Variants in PCCB observed in about 807,000 individuals in gnomAD.
PCCB encodes the protein propionyl-CoA carboxylase beta chain, mitochondrial.
PCCB carries 43 observed loss-of-function variants against 60.7 expected under a neutral mutation model. The ratio of observed to expected loss-of-function variants is 0.71; its 90% CI spans 0.55 to 0.91. The LOEUF (loss-of-function observed/expected upper bound fraction) is 0.91. PCCB is among the 40% of genes least tolerant of loss of function. The probability of loss-of-function intolerance (pLI) is 0.00; values close to 1 mark genes in which losing one functional copy is unlikely to be tolerated. For synonymous variants in PCCB, 276 were observed against 255.9 expected, an observed-to-expected ratio of 1.08 and a Z score of -0.75; for missense variants, 766 against 702.8, an observed-to-expected ratio of 1.09 and a Z score of -1.02.
intron 3 of PCCB, 62 bp downstream of exon 3, chr3:136,256,685 T>G (rs1576402902): frequency 1.7e-6 from 2 of 1,147,606 alleles, no homozygotes; most frequent in East Asian, 2.3e-5. Flanking sequence ...GGAAAATATG[T>G]GAAAGAAGCC....
At chr3:136,325,313 T>G (rs1250249170) in intron 10 of PCCB, among the ~76,000 whole-genome samples, 1 of 152,070 alleles carries the variant, frequency 6.6e-6, no homozygotes, top group African/African-American at 2.4e-5. Flanking sequence ...GTCTTTTTAT[T>G]GTTGATTTCT....
In PCCB at chr3:136,305,392, C is replaced by G. The variant is rs1484910787; in HGVS notation, c.966+4281C>G. 2.5e-5 allele frequency among the ~76,000 whole-genome samples: 3 copies of G among 121,730 alleles called. 1 individual carries two copies. The highest frequency in any genetic ancestry group is 7.5e-5 in the African/African-American group (3 of 39,978). The allele number at this position is 121,730 out of a possible 152,430, so 79.9% of individuals were successfully genotyped here. A position where few individuals can be genotyped will look rare whatever the true frequency, so the allele number is the denominator to read the frequency against. ...GAGGTGTAAGCCACTGCACCTAGAC[C>G]ATATATTTACTTTTAACTCAAAAAG... is the stretch of plus-strand genomic sequence containing the variant. On this transcript the variant is annotated intron_variant, in intron 9 of 14. Coordinates refer to ENST00000251654, the MANE Select transcript of PCCB (RefSeq NM_000532.5).
chr3:136,320,736 T>C (rs1344910238), intron 10 of PCCB, among the ~76,000 whole-genome samples: 1 of 152,214 alleles, frequency 6.6e-6, no homozygotes, highest in Non-Finnish European at 1.5e-5. Flanking sequence ...GTGGATTTGC[T>C]GGGATTTTCT....
chr3:136,269,464 C>T (rs183761252), intron 5 of PCCB, among the ~76,000 whole-genome samples: 96 of 152,196 alleles, frequency 6.3e-4, no homozygotes, highest in African/African-American at 2.3e-3. Context: ...TCTATATACA[C>T]AATCATGTCT....
intron 3 of PCCB, among the ~76,000 whole-genome samples, chr3:136,258,305 G>A (rs1477674626): frequency 6.6e-6 from 1 of 152,132 alleles, no homozygotes; most frequent in Non-Finnish European, 1.5e-5. Flanking sequence ...CTGAAGAAGC[G>A]AATCATTTTA....
Position 136,329,974 on chromosome 3 carries a change from C to T in PCCB, c.1568C>T (p.Ala523Val), listed in dbSNP as rs754801178. The change falls in exon 15 of 15, where the codon GCC becomes GTC. Residue 523 changes from alanine to valine, a missense_variant. Ala to Val is a moderately conservative substitution (Grantham distance 64). Coordinates refer to ENST00000251654, the MANE Select transcript of PCCB (RefSeq NM_000532.5). ...ARICCDLDVL[A>V]SKKVQRPWRK... The stretch of plus-strand genomic sequence containing the variant: ...ATCTGCTGTGACCTGGATGTCTTGG[C>T]CAGCAAGAAGGTACAACGTCCTTGG... 3 of 1,613,938 alleles carry T rather than the reference C, an allele frequency of 1.9e-6. No individual in the cohort carries two copies. The highest frequency in any genetic ancestry group is 2.7e-5 in the African/African-American group (2 of 74,898).
In PCCB at chr3:136,328,855, G is replaced by A. The variant is rs1483114366; in HGVS notation, c.1496G>A (p.Arg499Gln). ...KFANPFPAAV[R>Q]GFVDDIIQPS... Reference sequence around the variant, plus strand: ...GCCAACCCTTTCCCTGCAGCAGTGCGAGGTAGGGGACTGTGGTGAAGAGGG... The same window carrying A: ...GCCAACCCTTTCCCTGCAGCAGTGCAAGGTAGGGGACTGTGGTGAAGAGGG... Residue 499 changes from arginine (R) to glutamine (Q), a missense_variant and splice_region_variant, in exon 14 of 15, where the codon CGA becomes CAA. Physicochemically the swap from Arg to Gln is conservative, Grantham distance 43 (BLOSUM62 1). Coordinates refer to ENST00000251654, the MANE Select transcript of PCCB (RefSeq NM_000532.5). The A allele has an allele frequency of 6.2e-7, 1 of 1,610,162 alleles. No homozygotes were observed. Among genetic ancestry groups the A allele is most frequent in the Non-Finnish European group, 8.5e-7 (1 of 1,176,318 alleles).
intron 9 of PCCB, among the ~76,000 whole-genome samples, chr3:136,307,148 A>G: frequency 8.2e-6 from 1 of 122,684 alleles, no homozygotes; most frequent in African/African-American, 2.5e-5. Context: ...ACCTTCATGT[A>G]TTAAGACTGC....
chr3:136,251,197 G>A (rs1459672590), intron 1 of PCCB: 2 of 456,376 alleles, frequency 4.4e-6, no homozygotes, highest in East Asian at 1.4e-4. Flanking sequence ...TGTTTGGCTG[G>A]ACTGAGCAGT....
At chr3:136,263,966 T>G (rs1180173089) in intron 5 of PCCB, among the ~76,000 whole-genome samples, 2 of 151,646 alleles carry the variant, frequency 1.3e-5, no homozygotes, top group South Asian at 2.1e-4. Flanking sequence ...GAGCCAAGAT[T>G]GTGCCATTGC....
chr3:136,250,417 C>T lies in PCCB; in HGVS notation c.42C>T (p.Leu14=), dbSNP rs2108127783. The T allele has an allele frequency of 1.9e-6, 3 of 1,584,064 alleles. No individual in the cohort carries two copies. Among genetic ancestry groups the T allele is most frequent in the Non-Finnish European group, 2.6e-6 (3 of 1,165,034 alleles). The stretch of plus-strand genomic sequence containing the variant: ...GGGTGGCGGCGGTCGGGGCAAGGCT[C>T]AGCGTTCTGGCGAGCGGTCTCCGCG... ...ALRVAAVGAR[L]SVLASGLRAA... is the part of the protein sequence containing the mutation. The change falls in exon 1 of 15, where the codon CTC becomes CTT. Residue 14 remains leucine, a synonymous_variant. Transcript: ENST00000251654.
chr3:136,311,450 A>G (rs562325445), intron 9 of PCCB, among the ~76,000 whole-genome samples: 1 of 152,228 alleles, frequency 6.6e-6, no homozygotes, highest in South Asian at 2.1e-4. Flanking sequence ...TTCCTGGTCA[A>G]GCAATCCTCC....
At chr3:136,299,449 TGTATGCATGTGTATGTATAG>T (rs1310533631) in intron 8 of PCCB, among the ~76,000 whole-genome samples, 3 of 152,022 alleles carry the variant, frequency 2.0e-5, no homozygotes, top group South Asian at 2.1e-4. Flanking sequence ...TATATGCATA[TGTATGCATGTGTATGTATAG>T]GTATGCATGT....
intron 6 of PCCB, 93 bp downstream of exon 6, chr3:136,284,040 T>C: frequency 1.2e-6 from 1 of 813,346 alleles, no homozygotes; most frequent in Admixed American, 1.8e-5. Flanking sequence ...TCTAGGTTGT[T>C]ACCTGCATTC....
At chr3:136,292,603 A>G (rs1231576718) in intron 6 of PCCB, among the ~76,000 whole-genome samples, 1 of 152,240 alleles carries the variant, frequency 6.6e-6, no homozygotes, top group African/African-American at 2.4e-5. Flanking sequence ...ATGATCTTCA[A>G]GCTAGAAAAA....
At chr3:136,282,369 T>C (rs887899421) in intron 5 of PCCB, among the ~76,000 whole-genome samples, 1 of 152,252 alleles carries the variant, frequency 6.6e-6, no homozygotes, top group Admixed American at 6.5e-5. Flanking sequence ...TGGAGCTTCC[T>C]GTTCTCTCTT....
intron 7 of PCCB, 38 bp downstream of exon 7, chr3:136,293,902 A>G: frequency 8.2e-7 from 1 of 1,215,840 alleles, no homozygotes; most frequent in Non-Finnish European, 1.2e-6. Flanking sequence ...GTTTTCAAAC[A>G]TTGAGAAGAG....
At chr3:136,273,328 C>T (rs1315832027) in intron 5 of PCCB, among the ~76,000 whole-genome samples, 2 of 151,970 alleles carry the variant, frequency 1.3e-5, no homozygotes, top group Admixed American at 6.6e-5. Context: ...TCTGTTAAGT[C>T]CATTTGTTCT....
At chr3:136,326,667 G>T (rs187316413) in intron 10 of PCCB, 136 bp from the exon 11 acceptor site, 2 of 748,200 alleles carry the variant, frequency 2.7e-6, no homozygotes, top group Non-Finnish European at 4.9e-6. Context: ...AGGGGTCCTT[G>T]TTACCATTCT....
Sources: allele counts gnomAD v4.1 joint callset (sites outside exome capture counted in the v4.1 genomes callset), GRCh38; gene constraint gnomAD v4.1.1; transcripts MANE v1.5; gene names NCBI Gene and HGNC (gene_info 2026-07-23, HGNC 2026-07-21).